Variants in PRKN observed in about 807,000 individuals in gnomAD.
The protein encoded by PRKN is parkin RBR E3 ubiquitin protein ligase.
In PRKN, 56 loss-of-function variants were observed where a neutral mutation model predicts 59.5. That is an observed-to-expected ratio of 0.94 (90% CI 0.76 to 1.18). PRKN has a LOEUF of 1.18. Among genes scored for constraint, PRKN ranks in the 50% most tolerant of loss-of-function variants. The pLI is 0.00. For synonymous variants in PRKN, 250 were observed against 222.1 expected (o/e 1.13, Z -1.12); for missense variants, 657 against 596.4 (o/e 1.10, Z -1.06).
chr6:161,642,990 T>A (rs1223302780), intron 7 of PRKN, among the ~76,000 whole-genome samples: 1 of 152,218 alleles, frequency 6.6e-6, no homozygotes, highest in Non-Finnish European at 1.5e-5. Context: ...TGGTTTCAAT[T>A]TCTTTAAAGT....
chr6:162,615,352 T>G (rs1782359630), intron 1 of PRKN, among the ~76,000 whole-genome samples: 1 of 152,172 alleles, frequency 6.6e-6, no homozygotes, highest in Non-Finnish European at 1.5e-5. Flanking sequence ...ACATTTCACA[T>G]TCACCCAAAA....
At chr6:162,340,513 G>C (rs1324062286) in intron 2 of PRKN, among the ~76,000 whole-genome samples, 1 of 151,968 alleles carries the variant, frequency 6.6e-6, no homozygotes, top group Non-Finnish European at 1.5e-5. Context: ...GTGTAGTTCT[G>C]TGGTACAAAA....
At chr6:162,011,671 G>T (rs907306557) in intron 5 of PRKN, among the ~76,000 whole-genome samples, 64 of 149,416 alleles carry the variant, frequency 4.3e-4, no homozygotes, top group African/African-American at 1.5e-3. Flanking sequence ...AGCGGTGTTT[G>T]TTCCATAGTG....
At chr6:162,568,035 T>C (rs1435342835) in intron 1 of PRKN, among the ~76,000 whole-genome samples, 1 of 152,114 alleles carries the variant, frequency 6.6e-6, no homozygotes, top group Non-Finnish European at 1.5e-5. Flanking sequence ...CTTCAGTAAG[T>C]GGTGCTGAGA....
In PRKN at chr6:161,860,068, CAA is replaced by C. The variant is rs539873267; in HGVS notation, c.735-74162_735-74161del. 1.2e-3 allele frequency among the ~76,000 whole-genome samples: 186 copies of C among 152,178 alleles called. 1 individual carries two copies. The highest frequency in any genetic ancestry group is 4.3e-3 in the African/African-American group (179 of 41,508). Reference sequence around the variant, plus strand: ...TCATGTTGTCTTCAAGGTCACAAATCAAAGTCTCATCTATTAGTGTATAATAG... The same window carrying C: ...TCATGTTGTCTTCAAGGTCACAAATCAGTCTCATCTATTAGTGTATAATAG... On this transcript the variant is annotated intron_variant, in intron 6 of 11. Coordinates refer to ENST00000366898, the MANE Select transcript of PRKN (RefSeq NM_004562.3).
At chr6:161,500,238 C>T (rs1465902552) in intron 9 of PRKN, among the ~76,000 whole-genome samples, 1 of 152,094 alleles carries the variant, frequency 6.6e-6, no homozygotes, top group South Asian at 2.1e-4. Flanking sequence ...TATACATGCA[C>T]AGCCTCCCCC....
At chr6:162,646,954 T>C (rs1178877026) in intron 1 of PRKN, among the ~76,000 whole-genome samples, 5 of 152,172 alleles carry the variant, frequency 3.3e-5, no homozygotes, top group Admixed American at 2.6e-4. Flanking sequence ...TGGCACATGA[T>C]TGTATTATAA....
At chr6:161,889,391 G>A (rs1298236593) in intron 6 of PRKN, among the ~76,000 whole-genome samples, 1 of 152,184 alleles carries the variant, frequency 6.6e-6, no homozygotes, top group Non-Finnish European at 1.5e-5. Flanking sequence ...AATACACTGT[G>A]GTGCCAGCCA....
intron 3 of PRKN, among the ~76,000 whole-genome samples, chr6:162,208,284 T>C: frequency 6.6e-6 from 1 of 152,186 alleles, no homozygotes; most frequent in East Asian, 1.9e-4. Flanking sequence ...ACCAAGGTTA[T>C]GCTATATTGT....
intron 4 of PRKN, among the ~76,000 whole-genome samples, chr6:162,188,759 G>A (rs1190086688): frequency 6.7e-6 from 1 of 149,658 alleles, no homozygotes; most frequent in African/African-American, 2.5e-5. Flanking sequence ...GCCTACAGGT[G>A]GAACATTCCT....
chr6:161,994,266 A>T (rs1781759131), intron 5 of PRKN, among the ~76,000 whole-genome samples: 2 of 152,012 alleles, frequency 1.3e-5, no homozygotes, highest in South Asian at 4.1e-4. Flanking sequence ...AAAGTGAAGG[A>T]CAAAACCCAT....
At chr6:162,163,845 CA>C (rs1290752748) in intron 4 of PRKN, among the ~76,000 whole-genome samples, 1 of 148,978 alleles carries the variant, frequency 6.7e-6, no homozygotes, top group Non-Finnish European at 1.5e-5. Context: ...CCTGCACCCA[CA>C]ACCAGGAATT....
chr6:162,441,266 C>T (rs1211585394), intron 2 of PRKN, among the ~76,000 whole-genome samples: 1 of 152,138 alleles, frequency 6.6e-6, no homozygotes, highest in Non-Finnish European at 1.5e-5. Flanking sequence ...ACCAATGAAA[C>T]TTCAATGCCA....
At chr6:162,232,812 G>C (rs1778479706) in intron 3 of PRKN, among the ~76,000 whole-genome samples, 1 of 152,156 alleles carries the variant, frequency 6.6e-6, no homozygotes, top group Admixed American at 6.6e-5. Context: ...TTTAATGCCA[G>C]TATCTGCACA....
intron 7 of PRKN, among the ~76,000 whole-genome samples, chr6:161,721,448 C>G (rs1221765545): frequency 6.6e-6 from 1 of 151,712 alleles, no homozygotes; most frequent in Non-Finnish European, 1.5e-5. Flanking sequence ...GGCCAGCCCT[C>G]CTGACTAAAA....
rs34342732 is a variant in PRKN at position 161,497,554 on chromosome 6, G to GTCTC, written c.1083+51296_1083+51299dup. ...CTGTGTGTGTGCACAGTGCTTACAT[G>GTCTC]TCTCTCTCTCTCTCTCTCTCTCTCA... On this transcript the variant is annotated intron_variant, in intron 9 of 11. Transcript: ENST00000366898. The surrounding 1 kb of genome is among the most constrained non-coding windows in gnomAD (Gnocchi z 4.6). Among the ~76,000 whole-genome samples the GTCTC allele has an allele frequency of 3.6e-4, 54 of 148,696 alleles. No individual in the cohort carries two copies. Among genetic ancestry groups the GTCTC allele is most frequent in the Non-Finnish European group, 5.7e-4 (38 of 67,240 alleles).
At chr6:162,506,765 A>G (rs1191402127) in intron 1 of PRKN, among the ~76,000 whole-genome samples, 2 of 152,174 alleles carry the variant, frequency 1.3e-5, no homozygotes, top group Non-Finnish European at 2.9e-5. Flanking sequence ...TTCAAGGAGC[A>G]AATAGCTCCA....
chr6:162,449,649 C>T (rs1790496541), intron 1 of PRKN, among the ~76,000 whole-genome samples: 1 of 151,982 alleles, frequency 6.6e-6, no homozygotes, highest in African/African-American at 2.4e-5. Context: ...CTGTATGATA[C>T]CATCCTCTAG....
intron 2 of PRKN, among the ~76,000 whole-genome samples, chr6:162,371,347 C>T (rs9365409): frequency 0.13 from 20,067 of 152,160 alleles, 1,775 homozygotes; most frequent in South Asian, 0.26. Context: ...TCATCAGAGT[C>T]TCTTGGTGAC....
Sources: allele counts gnomAD v4.1 joint callset (sites outside exome capture counted in the v4.1 genomes callset), GRCh38; gene constraint gnomAD v4.1.1; non-coding constraint Gnocchi (gnomAD v3.1); transcripts MANE v1.5; gene names NCBI Gene and HGNC (gene_info 2026-07-23, HGNC 2026-07-21).